NXNL2: variants seen among roughly 807,000 people sequenced by gnomAD.
NXNL2 encodes the protein nucleoredoxin-like protein 2.
In NXNL2, 7 loss-of-function variants were observed where a neutral mutation model predicts 11.1. That is an observed-to-expected ratio of 0.63 (90% CI 0.36 to 1.18). The LOEUF is 1.18. NXNL2 is among the 50% of genes most tolerant of loss of function. NXNL2 has a pLI of 0.02. For synonymous variants in NXNL2, 109 were observed against 101.8 expected (o/e 1.07, Z -0.42); for missense variants, 233 against 217.7 (o/e 1.07, Z -0.44).
chr9:88,559,445 G>A (rs1212554507), intron 1 of NXNL2, among the ~76,000 whole-genome samples: 1 of 152,190 alleles, frequency 6.6e-6, no homozygotes, highest in Admixed American at 6.5e-5. Flanking sequence ...TGTCCTTCAT[G>A]ACCAGCCAGC....
At chr9:88,576,174 G>A (rs113281260), downstream of NXNL2, among the ~76,000 whole-genome samples, 1,200 of 152,346 alleles carry the variant, frequency 7.9e-3, 14 homozygotes, top group Middle Eastern at 0.031. Flanking sequence ...CAGCCTGGGC[G>A]ATGGAGCGAG....
intron 1 of NXNL2, among the ~76,000 whole-genome samples, chr9:88,536,489 T>C (rs1829622877): frequency 6.8e-6 from 1 of 146,022 alleles, no homozygotes; most frequent in Middle Eastern, 3.5e-3. Flanking sequence ...TGGTCTCCTA[T>C]GGTGTAAGAG....
chr9:88,580,145 A>G (rs1429904095), downstream of NXNL2, among the ~76,000 whole-genome samples: 1 of 149,552 alleles, frequency 6.7e-6, no homozygotes, highest in Non-Finnish European at 1.5e-5. Flanking sequence ...TCTCAAAAAA[A>G]AAAAATTCTT....
chr9:88,536,531 AG>A (rs1373504092), intron 1 of NXNL2, among the ~76,000 whole-genome samples: 1 of 152,102 alleles, frequency 6.6e-6, no homozygotes, highest in Admixed American at 6.5e-5. Flanking sequence ...GGCCTCGTCA[AG>A]TATGTTGTCC....
At chr9:88,547,159 G>A (rs1295298925), downstream of NXNL2, among the ~76,000 whole-genome samples, 1 of 152,204 alleles carries the variant, frequency 6.6e-6, no homozygotes, top group Non-Finnish European at 1.5e-5. Context: ...TGAGAAGCAT[G>A]GCTCTGCAAA....
At chr9:88,536,813 G>A (rs918450112) in intron 1 of NXNL2, among the ~76,000 whole-genome samples, 1 of 152,198 alleles carries the variant, frequency 6.6e-6, no homozygotes, top group Non-Finnish European at 1.5e-5. Flanking sequence ...CAGCCTTCCA[G>A]GGGGGTAACC....
downstream of NXNL2, among the ~76,000 whole-genome samples, chr9:88,576,758 C>G (rs1830353242): frequency 6.6e-6 from 1 of 152,192 alleles, no homozygotes; most frequent in African/African-American, 2.4e-5. Flanking sequence ...GAGTAGACTA[C>G]AGGCAGCCCG....
chr9:88,549,434 C>A (rs926094481), downstream of NXNL2, among the ~76,000 whole-genome samples: 1 of 152,184 alleles, frequency 6.6e-6, no homozygotes, highest in South Asian at 2.1e-4. Context: ...TGAAAGGGGG[C>A]AAACTCTTTG....
chr9:88,583,632 G>T (rs1344035443), intron 1 of NXNL2, among the ~76,000 whole-genome samples: 4 of 152,210 alleles, frequency 2.6e-5, no homozygotes, highest in African/African-American at 9.6e-5. Flanking sequence ...CGTGGTGGTG[G>T]TGGTTTATCA....
chr9:88,579,008 T>TG (rs1830379780), downstream of NXNL2, among the ~76,000 whole-genome samples: 1 of 152,140 alleles, frequency 6.6e-6, no homozygotes, highest in Admixed American at 6.5e-5. Context: ...GAACTGGACA[T>TG]GGGGATCACA....
At chr9:88,538,068 C>T (rs2118395121) in intron 1 of NXNL2, among the ~76,000 whole-genome samples, 1 of 152,278 alleles carries the variant, frequency 6.6e-6, no homozygotes, top group African/African-American at 2.4e-5. Context: ...ACATTCTCTC[C>T]TCCAAAAGCA....
At chr9:88,541,554 C>T (rs141407358) in intron 1 of NXNL2, among the ~76,000 whole-genome samples, 1 of 152,314 alleles carries the variant, frequency 6.6e-6, no homozygotes, top group East Asian at 1.9e-4. Context: ...AGCCACTGTG[C>T]CCAGGCTCGG....
chr9:88,560,460 G>A (rs1830072489), intron 1 of NXNL2, among the ~76,000 whole-genome samples: 1 of 152,082 alleles, frequency 6.6e-6, no homozygotes, highest in South Asian at 2.1e-4. Flanking sequence ...CCAAAGCAAA[G>A]ATCCACATGG....
At chr9:88,555,272 T>C (rs1829993336) in intron 1 of NXNL2, among the ~76,000 whole-genome samples, 1 of 152,210 alleles carries the variant, frequency 6.6e-6, no homozygotes, top group Non-Finnish European at 1.5e-5. Context: ...TGTTGCTTGA[T>C]CATATGCTAA....
At chr9:88,582,430 C>A (rs1830419031) in intron 1 of NXNL2, among the ~76,000 whole-genome samples, 2 of 152,176 alleles carry the variant, frequency 1.3e-5, no homozygotes, top group South Asian at 4.2e-4. Context: ...GATCGCACCA[C>A]TGCACTCCAG....
At chr9:88,560,679 G>A (rs990275581) in intron 1 of NXNL2, among the ~76,000 whole-genome samples, 5 of 152,186 alleles carry the variant, frequency 3.3e-5, no homozygotes, top group Admixed American at 2.0e-4. Flanking sequence ...TGAGGTTGGA[G>A]ATCGCTTGAG....
intron 1 of NXNL2, among the ~76,000 whole-genome samples, chr9:88,582,589 A>G (rs182335729): frequency 1.4e-4 from 21 of 151,264 alleles, no homozygotes; most frequent in Admixed American, 5.9e-4. Context: ...GCTTAAAACA[A>G]TCCTTCCTTC....
At chr9:88,537,845 T>C (rs771511686) in intron 1 of NXNL2, among the ~76,000 whole-genome samples, 6 of 152,148 alleles carry the variant, frequency 3.9e-5, no homozygotes, top group African/African-American at 1.4e-4. Context: ...CAGAGAGATT[T>C]GCTTGGCCAC....
intron 1 of NXNL2, among the ~76,000 whole-genome samples, chr9:88,566,973 C>CATCTATCTATCTATCTATCTATCT (rs371496393): frequency 4.0e-5 from 5 of 123,472 alleles, no homozygotes; most frequent in Admixed American, 8.0e-5. Flanking sequence ...TATTATCTAT[C>CATCTATCTATCTATCTATCTATCT]ATCTATCTAT....
Sources: gnomAD v4.1 joint callset for allele counts (sites outside exome capture counted in the v4.1 genomes callset) on GRCh38, gnomAD v4.1.1 for gene constraint, MANE v1.5 for transcripts, NCBI Gene and HGNC (gene_info 2026-07-23, HGNC 2026-07-21) for gene names.